The following MPP4 variants were observed in gnomAD, a reference collection of about 807,000 sequenced individuals.
MPP4 encodes the protein MAGUK p55 scaffold protein 4.
A neutral mutation model predicts 98.3 loss-of-function variants in MPP4; 91 were observed. That is an observed-to-expected ratio of 0.93 (90% CI 0.78 to 1.10). The LOEUF (loss-of-function observed/expected upper bound fraction) is 1.10. Among genes scored for constraint, MPP4 ranks in the 50% least tolerant of loss-of-function variants. The pLI is 0.00. For missense variants in MPP4, 744 were observed against 792.9 expected (o/e 0.94, Z 0.74); for synonymous variants, 261 against 271.8 (o/e 0.96, Z 0.39).
rs1574641343 is a variant in MPP4, at chr2:201,694,054, A to G, written c.-100T>C. 1.7e-5 allele frequency: 28 copies of G among 1,607,632 alleles called. 1 individual carries two copies. In the East Asian group the frequency reaches 6.3e-4, roughly 36 times the overall value. On this transcript the variant is annotated splice_region_variant and 5_prime_UTR_variant, in exon 2 of 22. Transcript: ENST00000409474. ...CCCACTGGCCACCAGCTCTCAGCAC[A>G]CTGGAATATATTTTCAATAGCATTT...
At chr2:201,663,997 G>T in intron 14 of MPP4, 84 bp downstream of exon 14, 1 of 1,018,788 alleles carries the variant, frequency 9.8e-7, no homozygotes, top group Non-Finnish European at 1.4e-6. Context: ...TATTTAAACA[G>T]TTATTATAAA....
At position 201,695,947 on chromosome 2, in the gene MPP4, A is replaced by G. The variant is rs559024661; in HGVS notation, c.-100-1893T>C. Among the ~76,000 whole-genome samples the G allele has an allele frequency of 2.0e-4, 30 of 152,314 alleles. No individual in the cohort carries two copies. The Middle Eastern group carries it at 0.01, about 52-fold the overall frequency. On this transcript the variant is annotated intron_variant, in intron 1 of 21. Coordinates refer to ENST00000409474, the MANE Select transcript of MPP4 (RefSeq NM_033066.3). ...TGTTATAAAAGGAACACTTCAAATT[A>G]GTTGTTAAAGACTGGAGTATTGACT... is the stretch of plus-strand genomic sequence containing the variant.
chr2:201,682,612 C>T (rs1246144558), intron 8 of MPP4, among the ~76,000 whole-genome samples: 12 of 151,874 alleles, frequency 7.9e-5, no homozygotes, highest in Admixed American at 7.2e-4. Flanking sequence ...CTGCTTGGGA[C>T]GGGAAGTTTC....
rs184108503 is a variant in MPP4, at chr2:201,671,483, G to A, written c.995-1733C>T. Among the ~76,000 whole-genome samples, 164 of 152,134 alleles carry A rather than the reference G, an allele frequency of 1.1e-3. 1 individual carries two copies. Among genetic ancestry groups the A allele is most frequent in the African/African-American group, 3.8e-3 (158 of 41,494 alleles). On this transcript the variant is annotated intron_variant, in intron 11 of 21. Coordinates refer to ENST00000409474, the MANE Select transcript of MPP4 (RefSeq NM_033066.3). ...ATTGGATAAAGAGTCAGGACCCATC[G>A]GTGTGCTGTATTCAGGAGACCCATC...
chr2:201,683,196 G>T (rs1688712582), intron 7 of MPP4, among the ~76,000 whole-genome samples: 2 of 152,116 alleles, frequency 1.3e-5, no homozygotes, highest in Admixed American at 6.5e-5. Flanking sequence ...CCAGAACGCT[G>T]GTAAGAAAAT....
Position 201,645,059 on chromosome 2 carries a change from A to G in MPP4, c.*151T>C. 1.5e-6 allele frequency: 1 copy of G among 655,264 alleles called. No individual in the cohort carries two copies. The highest frequency in any genetic ancestry group is 3.9e-5 in the Admixed American group (1 of 25,466). The allele number at this position is 655,264 out of a possible 1,614,324, so 40.6% of individuals were successfully genotyped here. A position where few individuals can be genotyped will look rare whatever the true frequency, so the allele number is the denominator to read the frequency against. ...TAGGTAACCACATAACCATACAATA[A>G]AAATTTTTTTCAAATAAGATTAATT... On this transcript the variant is annotated 3_prime_UTR_variant, in exon 22 of 22. Coordinates refer to ENST00000409474, the MANE Select transcript of MPP4 (RefSeq NM_033066.3).
Position 201,669,776 on chromosome 2 carries a change from A to C in MPP4, c.995-26T>G, listed in dbSNP as rs146448288. 2.2e-5 allele frequency: 31 copies of C among 1,379,470 alleles called. No homozygotes were observed. The African/African-American group carries it at 3.9e-4, about 18-fold the overall frequency. 85.5% of individuals were successfully genotyped at this position (1,379,470 alleles called of 1,614,324 possible). A position where few individuals can be genotyped will look rare whatever the true frequency, so the allele number is the denominator to read the frequency against. On this transcript the variant is annotated intron_variant, in intron 11 of 21. Coordinates refer to ENST00000409474, the MANE Select transcript of MPP4 (RefSeq NM_033066.3). ...CTGAGTACAAGCAAATGATTGAAGC[A>C]GGGGGGATAAAAAGAACACAGTATC...
chr2:201,653,846 G>A (rs956436274), intron 18 of MPP4, among the ~76,000 whole-genome samples: 1 of 152,066 alleles, frequency 6.6e-6, no homozygotes, highest in African/African-American at 2.4e-5. Flanking sequence ...CTCTAAATGG[G>A]TAAAAAACTC....
Position 201,690,277 on chromosome 2 carries a change from A to C in MPP4, c.204T>G (p.Ile68Met). ...CTTTAAATTCCTGGAGGCAGTCATA[A>C]ATCTGCAGAAGGACAAGGGAGGGAG... Reference protein sequence around the residue: ...HSPWLQALLKIYDCLQEFKEK... With the variant: ...HSPWLQALLKMYDCLQEFKEK... Residue 68 changes from isoleucine to methionine, a missense_variant and splice_region_variant, in exon 4 of 22, where the codon ATT becomes ATG. Transcript: ENST00000409474. 6.3e-7 allele frequency: 1 copy of C among 1,598,650 alleles called. No homozygotes were observed. Among genetic ancestry groups the C allele is most frequent in the Non-Finnish European group, 8.5e-7 (1 of 1,170,314 alleles).
chr2:201,645,023 T>A lies in MPP4; in HGVS notation c.*187A>T, dbSNP rs976392946. On this transcript the variant is annotated 3_prime_UTR_variant, in exon 22 of 22. Transcript: ENST00000409474. ...TGCATATGAGGTAAAGGAAAAAAAA[T>A]TAAGTTAAAATAGGTAACCACATAA... is the stretch of plus-strand genomic sequence containing the variant. 1.9e-5 allele frequency: 8 copies of A among 425,872 alleles called. No homozygotes were observed. The highest frequency in any genetic ancestry group is 1.7e-4 in the African/African-American group (8 of 48,394). 26.4% of individuals were successfully genotyped at this position (425,872 alleles called of 1,614,324 possible). A position where few individuals can be genotyped will look rare whatever the true frequency, so the allele number is the denominator to read the frequency against.
chr2:201,651,016 T>G (rs922808398), intron 18 of MPP4: 6 of 984,928 alleles, frequency 6.1e-6, no homozygotes, highest in Non-Finnish European at 7.2e-6. Context: ...GGTATCATGT[T>G]AGGTTCTGAA....
In MPP4 at chr2:201,654,818, A is replaced by T. The variant is rs766453274; in HGVS notation, c.1381+19T>A. 1.5e-5 allele frequency: 23 copies of T among 1,571,990 alleles called. 2 individuals are homozygous for T. The South Asian group carries it at 2.5e-4, about 17-fold the overall frequency. ...TTTTACCAAAACACAAACCATTATGAAAGCAGAACTAAACATACGTGGCAC... is the reference window on the plus strand; with the variant it reads ...TTTTACCAAAACACAAACCATTATGTAAGCAGAACTAAACATACGTGGCAC... On this transcript the variant is annotated intron_variant, in intron 18 of 21. Coordinates refer to ENST00000409474, the MANE Select transcript of MPP4 (RefSeq NM_033066.3).
At chr2:201,668,449 T>TTTCTCTTCTCTTCTCTTCTCTTCTC (rs113238787) in intron 12 of MPP4, among the ~76,000 whole-genome samples, 2 of 149,872 alleles carry the variant, frequency 1.3e-5, no homozygotes, top group African/African-American at 5.0e-5. Flanking sequence ...TCTCTCTCTC[T>TTTCTCTTCTCTTCTCTTCTCTTCTC]TTCTCTTCTC....
chr2:201,645,093 G>T lies in MPP4; in HGVS notation c.*117C>A. On this transcript the variant is annotated 3_prime_UTR_variant, in exon 22 of 22. Transcript: ENST00000409474. The stretch of plus-strand genomic sequence containing the variant: ...TTCAAATAAGATTAATTAATAAATT[G>T]CTGCACTTTTAAAGTTGTACACATT... The T allele has an allele frequency of 1.2e-6, 1 of 846,996 alleles. No homozygotes were observed. The allele number at this position is 846,996 out of a possible 1,614,324, so 52.5% of individuals were successfully genotyped here. A position where few individuals can be genotyped will look rare whatever the true frequency, so the allele number is the denominator to read the frequency against.
intron 21 of MPP4, 66 bp from the exon 22 acceptor site, chr2:201,645,470 TG>T (rs1687536498): frequency 7.5e-7 from 1 of 1,334,774 alleles, no homozygotes; most frequent in Admixed American, 2.2e-5. Flanking sequence ...AAATACAGTT[TG>T]TTATGCTGTC....
At chr2:201,661,442 G>C (rs1367194615) in intron 14 of MPP4, 1 of 456,580 alleles carries the variant, frequency 2.2e-6, no homozygotes, top group Admixed American at 2.3e-5. Flanking sequence ...GGTGCTAACT[G>C]TTCCTTAATT....
chr2:201,683,986 A>G (rs13406171), intron 7 of MPP4, among the ~76,000 whole-genome samples: 19,372 of 151,938 alleles, frequency 0.13, 1,341 homozygotes, highest in African/African-American at 0.16. Flanking sequence ...CTGGGAGGCC[A>G]AGGCAGGAGG....
intron 14 of MPP4, among the ~76,000 whole-genome samples, chr2:201,663,403 A>G (rs540678828): frequency 6.6e-6 from 1 of 152,344 alleles, no homozygotes; most frequent in East Asian, 1.9e-4. Flanking sequence ...TAAAATCTAC[A>G]TCTCACAACT....
chr2:201,676,666 G>A (rs191113626), intron 10 of MPP4, among the ~76,000 whole-genome samples: 5 of 152,316 alleles, frequency 3.3e-5, no homozygotes, highest in Middle Eastern at 3.4e-3. Flanking sequence ...TTGGGAGGCC[G>A]AGGCAGGCAG....
Sources: gnomAD v4.1 joint callset for allele counts (sites outside exome capture counted in the v4.1 genomes callset) on GRCh38, gnomAD v4.1.1 for gene constraint, MANE v1.5 for transcripts, NCBI Gene and HGNC (gene_info 2026-07-23, HGNC 2026-07-21) for gene names.